ADAM23: variants seen among roughly 807,000 people sequenced by gnomAD.
ADAM23 encodes the protein disintegrin and metalloproteinase domain-containing protein 23.
Under a neutral mutation model 120.1 loss-of-function variants are expected in ADAM23, and 33 were observed. The ratio of observed to expected loss-of-function variants is 0.27; its 90% CI spans 0.21 to 0.37. The LOEUF is 0.37. Among genes scored for constraint, ADAM23 ranks in the 10% least tolerant of loss-of-function variants. The probability of loss-of-function intolerance (pLI) is 1.00; values close to 1 mark genes in which losing one functional copy is unlikely to be tolerated. For synonymous variants in ADAM23, 367 were observed against 375.2 expected (o/e 0.98, Z 0.25); for missense variants, 862 against 1,058.2 (o/e 0.81, Z 2.57).
intron 9 of ADAM23, among the ~76,000 whole-genome samples, chr2:206,553,295 A>G (rs1323595621): frequency 6.6e-6 from 1 of 152,104 alleles, no homozygotes; most frequent in African/African-American, 2.4e-5. Flanking sequence ...AATTAGCCGG[A>G]GGTGGTGACA....
intron 24 of ADAM23, among the ~76,000 whole-genome samples, chr2:206,599,552 C>G (rs995368090): frequency 6.6e-6 from 1 of 151,978 alleles, no homozygotes; most frequent in East Asian, 1.9e-4. Flanking sequence ...AATTTTAAAA[C>G]TCTGTTGTAG....
chr2:206,497,718 T>C (rs1194578983), intron 3 of ADAM23, among the ~76,000 whole-genome samples: 1 of 152,226 alleles, frequency 6.6e-6, no homozygotes, highest in Admixed American at 6.5e-5. Flanking sequence ...AAGTTGTCCC[T>C]GTTTGCAGAT....
At chr2:206,562,336 G>A in intron 13 of ADAM23, 43 bp downstream of exon 13, 1 of 1,446,530 alleles carries the variant, frequency 6.9e-7, no homozygotes, top group Non-Finnish European at 9.7e-7. Context: ...GTGCCATTCT[G>A]TCTGTATAAT....
chr2:206,579,177 T>C (rs1698175656), intron 18 of ADAM23, among the ~76,000 whole-genome samples: 3 of 152,220 alleles, frequency 2.0e-5, no homozygotes, highest in Non-Finnish European at 4.4e-5. Context: ...TCCCATTCTT[T>C]GGGTTGTCTC....
intron 2 of ADAM23, among the ~76,000 whole-genome samples, chr2:206,477,897 A>AAAAAAAT (rs374524658): frequency 2.1e-5 from 2 of 93,604 alleles, no homozygotes; most frequent in African/African-American, 1.0e-4. Flanking sequence ...AAAAAAAAAA[A>AAAAAAAT]ATATATATAT....
intron 3 of ADAM23, among the ~76,000 whole-genome samples, chr2:206,507,275 G>A (rs1001201252): frequency 1.3e-5 from 2 of 152,196 alleles, no homozygotes; most frequent in Admixed American, 1.3e-4. Flanking sequence ...TGGAGGTGGG[G>A]CCTGGTGGGA....
chr2:206,483,959 C>G (rs935610437), intron 3 of ADAM23, among the ~76,000 whole-genome samples: 10 of 152,164 alleles, frequency 6.6e-5, no homozygotes, highest in African/African-American at 2.2e-4. Flanking sequence ...TTAATGATGA[C>G]AGAGCAAGTT....
intron 2 of ADAM23, 92 bp from the exon 3 acceptor site, chr2:206,481,138 TAA>T: frequency 1.1e-6 from 1 of 913,686 alleles, no homozygotes; most frequent in South Asian, 1.9e-5. Flanking sequence ...AACTGATACA[TAA>T]AAGTTATTCG....
intron 4 of ADAM23, 92 bp downstream of exon 4, chr2:206,531,040 A>G: frequency 5.5e-6 from 5 of 910,174 alleles, no homozygotes; most frequent in Non-Finnish European, 8.1e-6. Flanking sequence ...CGTCTGTCTC[A>G]GTAAAATCAC....
At chr2:206,504,532 T>G (rs1696456049) in intron 3 of ADAM23, among the ~76,000 whole-genome samples, 1 of 152,194 alleles carries the variant, frequency 6.6e-6, no homozygotes, top group African/African-American at 2.4e-5. Context: ...AAGACTCAAC[T>G]TTGTATCCTA....
chr2:206,586,959 C>G (rs181178669), intron 18 of ADAM23, among the ~76,000 whole-genome samples: 53 of 152,294 alleles, frequency 3.5e-4, no homozygotes, highest in Non-Finnish European at 6.8e-4. Flanking sequence ...AGCTGAGCAA[C>G]TTCTTGTAAA....
intron 2 of ADAM23, among the ~76,000 whole-genome samples, chr2:206,449,763 AAAAC>A (rs1424750499): frequency 2.6e-5 from 4 of 152,222 alleles, no homozygotes; most frequent in East Asian, 1.9e-4. Context: ...TCTGTCTCAA[AAAAC>A]AAACAAACAA....
At position 206,618,634 on chromosome 2, in the gene ADAM23, T is replaced by TA. The variant is rs1698982026; in HGVS notation, c.*1008dup. The TA allele has an allele frequency of 6.6e-6, 1 of 152,104 alleles. No individual in the cohort carries two copies. Among genetic ancestry groups the TA allele is most frequent in the Admixed American group, 6.6e-5 (1 of 15,254 alleles). 9.4% of individuals were successfully genotyped at this position (152,104 alleles called of 1,614,324 possible). On this transcript the variant is annotated 3_prime_UTR_variant, in exon 26 of 26. Transcript: ENST00000264377. Reference sequence around the variant, plus strand: ...TCTTGGGCTTGCTTAAAAAGACAGATATAGCCACAGATGCAGGGAGTTTGG... The same window carrying TA: ...TCTTGGGCTTGCTTAAAAAGACAGATAATAGCCACAGATGCAGGGAGTTTGG...
rs767707320 is a variant in ADAM23, at chr2:206,445,443, C to T, written c.351C>T (p.Leu117=). The stretch of plus-strand genomic sequence containing the variant: ...AAGAAATCACACTGCCTTCAAGACT[C>T]ATATATTACATCAACCAAGACTCGG... The part of the protein sequence containing the change: ...MQKEITLPSR[L]IYYINQDSES... The change falls in exon 2 of 26, where the codon CTC becomes CTT. Residue 117 remains leucine (L), a synonymous_variant. Transcript: ENST00000264377. The T allele has an allele frequency of 2.5e-5, 40 of 1,613,990 alleles. No individual in the cohort carries two copies. Among genetic ancestry groups the T allele is most frequent in the Non-Finnish European group, 3.3e-5 (39 of 1,180,014 alleles).
At chr2:206,562,425 A>G (rs910504398) in intron 13 of ADAM23, 132 bp downstream of exon 13, 13 of 642,656 alleles carry the variant, frequency 2.0e-5, no homozygotes, top group Non-Finnish European at 2.8e-5. Context: ...CCTCTAAAAT[A>G]TTTAGAAAAT....
chr2:206,576,477 C>A (rs1698114611), intron 18 of ADAM23, among the ~76,000 whole-genome samples: 1 of 152,092 alleles, frequency 6.6e-6, no homozygotes, highest in African/African-American at 2.4e-5. Context: ...ATTAATTTCT[C>A]AGTACATATT....
chr2:206,450,476 A>G (rs897198702), intron 2 of ADAM23, among the ~76,000 whole-genome samples: 11 of 152,338 alleles, frequency 7.2e-5, no homozygotes, highest in Admixed American at 3.3e-4. Flanking sequence ...GTTAGAGTAT[A>G]GGGGTTCCCA....
At chr2:206,444,887 C>T (rs561848026) in intron 1 of ADAM23, among the ~76,000 whole-genome samples, 107 of 152,266 alleles carry the variant, frequency 7.0e-4, no homozygotes, top group African/African-American at 2.6e-3. Flanking sequence ...GATGGGATGC[C>T]ACTAGGCAGA....
chr2:206,452,841 A>G (rs969606431), intron 2 of ADAM23, among the ~76,000 whole-genome samples: 1 of 151,900 alleles, frequency 6.6e-6, no homozygotes. Flanking sequence ...TCTCCTGCCT[A>G]TAAATAGTCG....
Sources: gnomAD v4.1 joint callset for allele counts (sites outside exome capture counted in the v4.1 genomes callset) on GRCh38, gnomAD v4.1.1 for gene constraint, MANE v1.5 for transcripts, NCBI Gene and HGNC (gene_info 2026-07-23, HGNC 2026-07-21) for gene names.